Variants in RAPGEF2 observed in about 807,000 individuals in gnomAD.
RAPGEF2 encodes the protein PDZ domain containing guanine nucleotide exchange factor (GEF) 1.
A neutral mutation model predicts 186.7 loss-of-function variants in RAPGEF2; 54 were observed. The observed-to-expected ratio is 0.29, with a 90% confidence interval of 0.23 to 0.36. The LOEUF is 0.36. Among genes scored for constraint, RAPGEF2 ranks in the 10% least tolerant of loss-of-function variants. The pLI is 1.00. For missense variants in RAPGEF2, 1,532 were observed against 2,045.0 expected (o/e 0.75, Z 4.84); for synonymous variants, 712 against 705.9 (o/e 1.01, Z -0.14).
intron 3 of RAPGEF2, among the ~76,000 whole-genome samples, chr4:159,202,743 A>G (rs1749579567): frequency 6.6e-6 from 1 of 152,100 alleles, no homozygotes; most frequent in Non-Finnish European, 1.5e-5. Context: ...TTGGGACTAT[A>G]GGCACCCACC....
chr4:159,121,963 C>T (rs561172099), intron 1 of RAPGEF2, among the ~76,000 whole-genome samples: 8 of 142,786 alleles, frequency 5.6e-5, no homozygotes, highest in African/African-American at 7.9e-5. Context: ...GCGTAAAACC[C>T]GGGAGGCAGA....
chr4:159,192,822 T>C (rs1209385691), intron 2 of RAPGEF2, among the ~76,000 whole-genome samples: 1 of 152,218 alleles, frequency 6.6e-6, no homozygotes, highest in African/African-American at 2.4e-5. Flanking sequence ...AATGATGTTA[T>C]CACTTTTAAA....
chr4:159,104,054 CGCGG>C lies in RAPGEF2; in HGVS notation c.-93_-90del, dbSNP rs899389699. 331 of 504,628 alleles carry C rather than the reference CGCGG, an allele frequency of 6.6e-4. No individual in the cohort carries two copies. The highest frequency in any genetic ancestry group is 7.9e-4 in the Middle Eastern group (1 of 1,258). 31.3% of individuals were successfully genotyped at this position (504,628 alleles called of 1,614,324 possible). The stretch of plus-strand genomic sequence containing the variant: ...CGCCGCCGCGGTTTGGCTGATTAGT[CGCGG>C]GCGGGCGGGCGGGCGCAGCGCGCAG... On this transcript the variant is annotated 5_prime_UTR_variant, in exon 1 of 30. Transcript: ENST00000691494.
chr4:159,126,514 A>G (rs1740312275), intron 1 of RAPGEF2, among the ~76,000 whole-genome samples: 1 of 149,354 alleles, frequency 6.7e-6, no homozygotes, highest in Admixed American at 6.8e-5. Context: ...CATTTATTCT[A>G]TCTCCTGTCC....
chr4:159,295,650 C>T (rs746932743), intron 7 of RAPGEF2, among the ~76,000 whole-genome samples: 9 of 150,648 alleles, frequency 6.0e-5, no homozygotes, highest in Non-Finnish European at 1.2e-4. Context: ...GTTCTTGATG[C>T]CAGATATCTC....
In RAPGEF2 at chr4:159,308,865, G is replaced by A. The variant is rs999643996; in HGVS notation, c.675+4392G>A. On this transcript the variant is annotated intron_variant, in intron 8 of 29. Transcript: ENST00000691494. The stretch of plus-strand genomic sequence containing the variant: ...TCTCTCGGAAGAGTTGAGTTCATTT[G>A]TTGAGAGTGAGAGGGTTGGCAGGTA... Among the ~76,000 whole-genome samples the A allele has an allele frequency of 4.6e-5, 7 of 152,288 alleles. No homozygotes were observed. The South Asian group carries it at 6.2e-4, about 14-fold the overall frequency.
intron 7 of RAPGEF2, among the ~76,000 whole-genome samples, chr4:159,245,376 A>T (rs924670781): frequency 6.6e-6 from 1 of 152,016 alleles, no homozygotes; most frequent in Admixed American, 6.6e-5. Flanking sequence ...CGTATTTCAA[A>T]TTGCTAAAAA....
chr4:159,338,678 A>C (rs1176748782), intron 18 of RAPGEF2, among the ~76,000 whole-genome samples: 2 of 152,208 alleles, frequency 1.3e-5, no homozygotes, highest in Non-Finnish European at 2.9e-5. Context: ...CCATAGGCAA[A>C]TTATCTGTCT....
chr4:159,210,487 C>A lies in RAPGEF2; in HGVS notation c.198-13C>A. On this transcript the variant is annotated splice_polypyrimidine_tract_variant and intron_variant, in intron 3 of 29. Transcript: ENST00000691494. The stretch of plus-strand genomic sequence containing the variant: ...ATAGGTAACAATCTGATTCTGTTAC[C>A]TTTTCTTTTCAGCCCTGATGATATT... 6.6e-7 allele frequency: 1 copy of A among 1,514,608 alleles called. No homozygotes were observed. Among genetic ancestry groups the A allele is most frequent in the Non-Finnish European group, 8.9e-7 (1 of 1,128,978 alleles). 93.8% of individuals were successfully genotyped at this position (1,514,608 alleles called of 1,614,324 possible). A position where few individuals can be genotyped will look rare whatever the true frequency, so the allele number is the denominator to read the frequency against.
chr4:159,243,684 C>A, intron 6 of RAPGEF2, 90 bp from the exon 7 acceptor site: 1 of 844,394 alleles, frequency 1.2e-6, no homozygotes, highest in Non-Finnish European at 1.7e-6. Context: ...TTAACATTAT[C>A]TTCATTTTGG....
rs376424576 is a variant in RAPGEF2 at position 159,325,032 on chromosome 4, G to A, written c.1149+1415G>A. 9.9e-5 allele frequency among the ~76,000 whole-genome samples: 15 copies of A among 152,142 alleles called. No homozygotes were observed. The East Asian group carries it at 2.1e-3, about 22-fold the overall frequency. On this transcript the variant is annotated intron_variant, in intron 11 of 29. Coordinates refer to ENST00000691494, the MANE Select transcript of RAPGEF2 (RefSeq NM_001394067.2). ...CATAATTGAATTTTTACAGTGTCCG[G>A]TCAATGTAAAATGGTATCACTCATT... is the stretch of plus-strand genomic sequence containing the variant.
intron 11 of RAPGEF2, 50 bp downstream of exon 11, chr4:159,323,667 C>CAA (rs1765536082): frequency 5.5e-6 from 6 of 1,097,442 alleles, no homozygotes; most frequent in Middle Eastern, 2.7e-4. Flanking sequence ...ATAAAGAACA[C>CAA]TTATATGCCA....
intron 7 of RAPGEF2, among the ~76,000 whole-genome samples, chr4:159,251,231 C>A (rs1366748840): frequency 6.6e-6 from 1 of 152,264 alleles, no homozygotes; most frequent in East Asian, 1.9e-4. Context: ...CCGTGGGCTC[C>A]CGTGCTGCCT....
At chr4:159,111,028 AAAAC>A (rs1738432831) in intron 1 of RAPGEF2, among the ~76,000 whole-genome samples, 3 of 151,954 alleles carry the variant, frequency 2.0e-5, no homozygotes, top group African/African-American at 7.2e-5. Context: ...AGGAAAAAAA[AAAAC>A]CACCCTTGTT....
At chr4:159,349,094 G>A (rs1297668013) in intron 25 of RAPGEF2, among the ~76,000 whole-genome samples, 1 of 152,128 alleles carries the variant, frequency 6.6e-6, no homozygotes, top group Non-Finnish European at 1.5e-5. Context: ...GCTGGCCTTG[G>A]AAATTTTTTC....
intron 7 of RAPGEF2, among the ~76,000 whole-genome samples, chr4:159,297,967 A>T (rs752558737): frequency 6.6e-6 from 1 of 152,222 alleles, no homozygotes; most frequent in Non-Finnish European, 1.5e-5. Flanking sequence ...ACAGAAGATT[A>T]ATCCGTATAT....
At position 159,300,176 on chromosome 4, in the gene RAPGEF2, TTATA is replaced by T. The variant is rs373852809; in HGVS notation, c.544-4162_544-4159del. ...TAATATACTTTATGTAAGTATTACT[TTATA>T]TATGCATAAACCTAAAATTAATATA... On this transcript the variant is annotated intron_variant, in intron 7 of 29. Transcript: ENST00000691494. Among the ~76,000 whole-genome samples the T allele has an allele frequency of 3.4e-4, 51 of 150,882 alleles. No homozygotes were observed. In the East Asian group the frequency reaches 7.7e-3, roughly 23 times the overall value.
chr4:159,278,939 CA>C (rs1353604691), intron 7 of RAPGEF2, among the ~76,000 whole-genome samples: 6 of 152,182 alleles, frequency 3.9e-5, no homozygotes, highest in Non-Finnish European at 7.3e-5. Context: ...ACACGTGAGG[CA>C]GAGACAGTAC....
Position 159,353,568 on chromosome 4 carries a change from C to T in RAPGEF2, c.4173C>T (p.Ser1391=). The T allele has an allele frequency of 6.4e-7, 1 of 1,571,972 alleles. No individual in the cohort carries two copies. The highest frequency in any genetic ancestry group is 8.6e-7 in the Non-Finnish European group (1 of 1,163,518). ...CTTCTCCAAGCACAGAGGAACTTTC[C>T]CAGGATCAGGGGGATCGCGCGTCAC... is the stretch of plus-strand genomic sequence containing the variant. ...VISSPSTEEL[S]QDQGDRASLD... Residue 1391 remains serine (S), a synonymous_variant, in exon 28 of 30, where the codon TCC becomes TCT. Transcript: ENST00000691494. The surrounding 1 kb of genome is among the most constrained non-coding windows in gnomAD (Gnocchi z 4.3).
Sources: gnomAD v4.1 joint callset for allele counts (sites outside exome capture counted in the v4.1 genomes callset) on GRCh38, gnomAD v4.1.1 for gene constraint, Gnocchi (gnomAD v3.1) non-coding constraint, MANE v1.5 for transcripts, NCBI Gene and HGNC (gene_info 2026-07-23, HGNC 2026-07-21) for gene names.